Variants in WDR88 observed in about 807,000 individuals in gnomAD.
WDR88 encodes the protein WD repeat domain 88, also known as WD repeat-containing protein 88.
A neutral mutation model predicts 46.8 loss-of-function variants in WDR88; 40 were observed. The observed-to-expected ratio is 0.86, with a 90% CI of 0.66 to 1.11. WDR88 has a LOEUF of 1.11. Ranked by LOEUF, WDR88 falls within the 50% of genes most tolerant of loss-of-function variation. WDR88 has a pLI of 0.00. For synonymous variants in WDR88, 235 were observed against 240.7 expected, an observed-to-expected ratio of 0.98 and a Z score of 0.22; for missense variants, 562 against 602.4, an observed-to-expected ratio of 0.93 and a Z score of 0.70.
In WDR88 at chr19:33,164,271, A is replaced by T. The variant is rs762162521; in HGVS notation, c.1149+6A>T. The T allele has an allele frequency of 2.5e-6, 4 of 1,613,274 alleles. No homozygotes were observed. The African/African-American group carries it at 5.3e-5, about 22-fold the overall frequency. ...GGATCCTGTCTGCTTCCAAGGTAAA[A>T]GTGGTCAAGCTTACAATATCGATCA... On this transcript the variant is annotated splice_donor_region_variant and intron_variant, in intron 9 of 10. Transcript: ENST00000355868.
intron 9 of WDR88, among the ~76,000 whole-genome samples, chr19:33,167,460 A>T (rs1973971260): frequency 6.6e-6 from 1 of 152,182 alleles, no homozygotes; most frequent in Non-Finnish European, 1.5e-5. Flanking sequence ...AGCTAACATG[A>T]TTCTCAGTGG....
intron 10 of WDR88, chr19:33,174,535 T>G (rs1228304440): frequency 4.1e-6 from 4 of 985,064 alleles, no homozygotes; most frequent in Non-Finnish European, 3.6e-6. Flanking sequence ...CCATTTGTTT[T>G]CAGTGTACTC....
At chr19:33,173,146 GAACAGCC>G (rs146649567) in intron 10 of WDR88, among the ~76,000 whole-genome samples, 23,818 of 139,804 alleles carry the variant, frequency 0.17, 2,571 homozygotes, top group East Asian at 0.29. Context: ...CCAGCATAGA[GAACAGCC>G]AATGCAGAGA....
intron 7 of WDR88, 49 bp downstream of exon 7, chr19:33,156,591 C>T: frequency 3.8e-6 from 6 of 1,570,482 alleles, no homozygotes; most frequent in East Asian, 2.2e-5. Context: ...GAGTGCTGGG[C>T]AGAGTTCTCC....
chr19:33,147,111 C>T (rs1055009131), intron 3 of WDR88, among the ~76,000 whole-genome samples: 5 of 151,140 alleles, frequency 3.3e-5, no homozygotes, highest in Non-Finnish European at 7.4e-5. Context: ...ATGATGAGTG[C>T]CCATAGTCCC....
At chr19:33,139,666 G>A (rs1448418495) in intron 2 of WDR88, among the ~76,000 whole-genome samples, 1 of 152,132 alleles carries the variant, frequency 6.6e-6, no homozygotes, top group Non-Finnish European at 1.5e-5. Flanking sequence ...TTAAGGGTTT[G>A]GAACAGAGGA....
chr19:33,138,493 G>T (rs1973322700), intron 2 of WDR88, among the ~76,000 whole-genome samples: 1 of 151,924 alleles, frequency 6.6e-6, no homozygotes, highest in Non-Finnish European at 1.5e-5. Context: ...GACTACAGGT[G>T]TGTGCCACTA....
chr19:33,136,799 T>C (rs1351080157), intron 1 of WDR88, among the ~76,000 whole-genome samples: 1 of 150,772 alleles, frequency 6.6e-6, no homozygotes. Context: ...CTGGTCTTAA[T>C]CTCCTGGCCT....
intron 9 of WDR88, among the ~76,000 whole-genome samples, chr19:33,169,666 C>CAAAAAAAAAAAAAAAAA (rs33941385): frequency 1.2e-5 from 1 of 81,748 alleles, no homozygotes; most frequent in Non-Finnish European, 2.5e-5. Context: ...GACCCAGTCT[C>CAAAAAAAAAAAAAAAAA]AAAAAAAAAA....
In WDR88 at chr19:33,149,130, G is replaced by C. The variant is rs141497031; in HGVS notation, c.679+220G>C. On this transcript the variant is annotated intron_variant, in intron 5 of 10. Transcript: ENST00000355868. ...AGCCCAGGAGTTTGAGACCAGCCTG[G>C]GCAACAGGGTGAAACCCTGTCACTA... 5.3e-3 allele frequency among the ~76,000 whole-genome samples: 812 copies of C among 152,168 alleles called. 8 individuals are homozygous for C. Among genetic ancestry groups the C allele is most frequent in the African/African-American group, 0.018 (752 of 41,520 alleles).
intron 3 of WDR88, among the ~76,000 whole-genome samples, chr19:33,146,003 T>C (rs918919205): frequency 6.6e-6 from 1 of 152,156 alleles, no homozygotes; most frequent in African/African-American, 2.4e-5. Context: ...AGGAAAACGA[T>C]TGATCCTTGC....
Position 33,175,793 on chromosome 19 carries a change from T to C in WDR88, c.*221T>C. 2 of 554,790 alleles carry C rather than the reference T, an allele frequency of 3.6e-6. No homozygotes were observed. Among genetic ancestry groups the C allele is most frequent in the Non-Finnish European group, 6.4e-6 (2 of 311,068 alleles). The allele number at this position is 554,790 out of a possible 1,614,324, so 34.4% of individuals were successfully genotyped here. On this transcript the variant is annotated 3_prime_UTR_variant, in exon 11 of 11. Transcript: ENST00000355868. ...TCATGCAGAATAAATCTAATTCCTT[T>C]GGAAAACAAGCGTGCATGTGCATCT...
chr19:33,152,924 A>C (rs1973663566), intron 6 of WDR88, among the ~76,000 whole-genome samples: 1 of 152,158 alleles, frequency 6.6e-6, no homozygotes, highest in African/African-American at 2.4e-5. Flanking sequence ...ATAGGTGTAC[A>C]TACCACATTT....
At chr19:33,174,881 T>C (rs1375406750) in intron 10 of WDR88, 6 of 985,082 alleles carry the variant, frequency 6.1e-6, no homozygotes, top group African/African-American at 1.8e-5. Flanking sequence ...TGCTTAGCCA[T>C]TGGTGGGGAA....
chr19:33,138,637 G>A (rs536065974), intron 2 of WDR88, among the ~76,000 whole-genome samples: 2 of 150,926 alleles, frequency 1.3e-5, no homozygotes, highest in East Asian at 1.9e-4. Context: ...GTGAGCCACC[G>A]TGCCTGGCCC....
rs1056461781 is a variant in WDR88 at position 33,133,177 on chromosome 19, A to G, written c.276+732A>G. ...CTCCAGAATAAATAAATAAATAAAT[A>G]AATAAATAAATAAATAAATATAGAG... On this transcript the variant is annotated intron_variant, in intron 1 of 10. Coordinates refer to ENST00000355868, the MANE Select transcript of WDR88 (RefSeq NM_173479.4). Among the ~76,000 whole-genome samples the G allele has an allele frequency of 5.0e-3, 522 of 104,778 alleles. 5 individuals carry two copies. Among genetic ancestry groups the G allele is most frequent in the African/African-American group, 0.018 (506 of 27,980 alleles). 68.7% of individuals were successfully genotyped at this position (104,778 alleles called of 152,430 possible).
intron 9 of WDR88, among the ~76,000 whole-genome samples, chr19:33,168,476 C>T (rs912362415): frequency 1.3e-5 from 2 of 152,080 alleles, no homozygotes; most frequent in African/African-American, 4.8e-5. Flanking sequence ...TTCTATACAC[C>T]AGCAATGAAC....
At chr19:33,170,163 C>A (rs577454453) in intron 9 of WDR88, among the ~76,000 whole-genome samples, 1 of 151,924 alleles carries the variant, frequency 6.6e-6, no homozygotes, top group South Asian at 2.1e-4. Context: ...AGGCGTGAGC[C>A]ACTGCGCCCA....
In WDR88 at chr19:33,137,950, C is replaced by T. The variant is rs570948437; in HGVS notation, c.387+163C>T. On this transcript the variant is annotated intron_variant, in intron 2 of 10. Coordinates refer to ENST00000355868, the MANE Select transcript of WDR88 (RefSeq NM_173479.4). Reference sequence around the variant, plus strand: ...AAGGAGGAGAGGGTGAGAGCCCAGCCTAGACGAAGTTAGGGTGGCTGCTGC... The same window carrying T: ...AAGGAGGAGAGGGTGAGAGCCCAGCTTAGACGAAGTTAGGGTGGCTGCTGC... Among the ~76,000 whole-genome samples, 18 of 152,244 alleles carry T rather than the reference C, an allele frequency of 1.2e-4. No homozygotes were observed. The East Asian group carries it at 3.5e-3, about 29-fold the overall frequency.
Sources: gnomAD v4.1 joint callset for allele counts (sites outside exome capture counted in the v4.1 genomes callset) on GRCh38, gnomAD v4.1.1 for gene constraint, MANE v1.5 for transcripts, NCBI Gene and HGNC (gene_info 2026-07-23, HGNC 2026-07-21) for gene names.